The following RAD51B variants were observed in gnomAD, a reference collection of about 807,000 sequenced individuals.
The protein encoded by RAD51B is DNA repair protein RAD51 homolog 2.
In RAD51B, 38 loss-of-function variants were observed where a neutral mutation model predicts 42.2. The ratio of observed to expected loss-of-function variants is 0.90; its 90% CI spans 0.70 to 1.18. RAD51B has a LOEUF of 1.18. RAD51B is among the 50% of genes most tolerant of loss of function. The probability of loss-of-function intolerance (pLI) is 0.00; values close to 1 mark genes in which losing one functional copy is unlikely to be tolerated. For missense variants in RAD51B, 373 were observed against 400.7 expected, an observed-to-expected ratio of 0.93 and a Z score of 0.59; for synonymous variants, 154 against 145.2, an observed-to-expected ratio of 1.06 and a Z score of -0.43.
intron 10 of RAD51B, among the ~76,000 whole-genome samples, chr14:68,560,793 A>G (rs1236659782): frequency 6.6e-6 from 1 of 151,026 alleles, no homozygotes; most frequent in African/African-American, 2.4e-5. Flanking sequence ...CCCCACACAC[A>G]CTTCTGCCCC....
chr14:68,085,913 G>A (rs944252900), intron 7 of RAD51B, among the ~76,000 whole-genome samples: 4 of 152,164 alleles, frequency 2.6e-5, no homozygotes, highest in African/African-American at 9.7e-5. Context: ...TGACCCCATG[G>A]CAGCGTCTAG....
intron 7 of RAD51B, among the ~76,000 whole-genome samples, chr14:68,253,243 ATTTG>A (rs780503573): frequency 1.3e-5 from 2 of 152,026 alleles, no homozygotes; most frequent in African/African-American, 2.4e-5. Flanking sequence ...TTTTCAGTGT[ATTTG>A]TTTATTAACA....
chr14:68,091,646 G>C (rs1222406340), intron 7 of RAD51B, among the ~76,000 whole-genome samples: 1 of 152,142 alleles, frequency 6.6e-6, no homozygotes, highest in Non-Finnish European at 1.5e-5. Context: ...CATTCTGTGG[G>C]TTGCCTGTTC....
intron 7 of RAD51B, among the ~76,000 whole-genome samples, chr14:68,057,350 T>C (rs1393000823): frequency 6.6e-6 from 1 of 152,162 alleles, no homozygotes; most frequent in South Asian, 2.1e-4. Flanking sequence ...GTTTCTAAAA[T>C]GTGTTGTATT....
chr14:68,072,984 C>T (rs2076777373), intron 7 of RAD51B, among the ~76,000 whole-genome samples: 1 of 152,114 alleles, frequency 6.6e-6, no homozygotes, highest in Admixed American at 6.6e-5. Flanking sequence ...GTGCCATGTG[C>T]AGATCAGAAG....
intron 10 of RAD51B, chr14:68,541,093 A>G: frequency 1.0e-6 from 1 of 985,342 alleles, no homozygotes; most frequent in Non-Finnish European, 1.2e-6. Context: ...ACAGAGAAGG[A>G]AGCCCTCTGT....
At chr14:67,889,636 G>C (rs536920772) in intron 7 of RAD51B, among the ~76,000 whole-genome samples, 25 of 151,372 alleles carry the variant, frequency 1.7e-4, no homozygotes, top group Non-Finnish European at 2.7e-4. Context: ...TTTGGGAAGG[G>C]TGACATCATT....
chr14:68,678,481 T>C (rs1893359122), intron 11 of RAD51B, among the ~76,000 whole-genome samples: 2 of 152,190 alleles, frequency 1.3e-5, no homozygotes, highest in Middle Eastern at 3.4e-3. Context: ...TAAAAACCCC[T>C]GCCCTCACAG....
At chr14:68,054,402 C>T (rs531474834) in intron 7 of RAD51B, among the ~76,000 whole-genome samples, 12 of 152,214 alleles carry the variant, frequency 7.9e-5, no homozygotes, top group African/African-American at 2.4e-4. Context: ...GGGGAAGTAA[C>T]ACCACAGAAT....
At chr14:68,575,090 A>G (rs1889901682) in intron 10 of RAD51B, among the ~76,000 whole-genome samples, 1 of 152,184 alleles carries the variant, frequency 6.6e-6, no homozygotes, top group Non-Finnish European at 1.5e-5. Flanking sequence ...AGATAATACC[A>G]AGTACCATTT....
intron 9 of RAD51B, among the ~76,000 whole-genome samples, chr14:68,457,856 G>A (rs60012660): frequency 0.015 from 2,071 of 136,674 alleles, 56 homozygotes; most frequent in African/African-American, 0.054. Context: ...CTCGTGATAC[G>A]CCCACCTCAG....
intron 7 of RAD51B, among the ~76,000 whole-genome samples, chr14:68,077,198 T>G (rs2076847761): frequency 6.6e-6 from 1 of 152,176 alleles, no homozygotes; most frequent in South Asian, 2.1e-4. Flanking sequence ...CATAAGATAT[T>G]TATTAGATTT....
intron 7 of RAD51B, among the ~76,000 whole-genome samples, chr14:68,183,534 C>T (rs957345785): frequency 6.6e-6 from 1 of 152,202 alleles, no homozygotes; most frequent in Non-Finnish European, 1.5e-5. Flanking sequence ...AGGAATAATA[C>T]TTTGCATCCT....
intron 7 of RAD51B, among the ~76,000 whole-genome samples, chr14:67,938,334 G>A (rs2045031929): frequency 6.6e-6 from 1 of 152,162 alleles, no homozygotes; most frequent in African/African-American, 2.4e-5. Context: ...ATAATCTTGT[G>A]CATTGAGCAG....
chr14:68,137,829 C>A (rs970360033), intron 7 of RAD51B, among the ~76,000 whole-genome samples: 51 of 152,214 alleles, frequency 3.4e-4, no homozygotes, highest in African/African-American at 1.1e-3. Flanking sequence ...TGCCCTGACA[C>A]TGCCTGTTGC....
At chr14:68,367,281 CCCTT>C (rs2083161305) in intron 8 of RAD51B, among the ~76,000 whole-genome samples, 1 of 152,144 alleles carries the variant, frequency 6.6e-6, no homozygotes, top group African/African-American at 2.4e-5. Flanking sequence ...ACTTGATATT[CCCTT>C]CCTTAGTCAT....
intron 7 of RAD51B, among the ~76,000 whole-genome samples, chr14:68,093,169 G>T (rs553588939): frequency 0.012 from 1,780 of 150,908 alleles, 31 homozygotes; most frequent in African/African-American, 0.04. Flanking sequence ...CTCTTTTTTT[G>T]TTGTGTCTCT....
chr14:68,536,375 A>G (rs1887618737), intron 10 of RAD51B, among the ~76,000 whole-genome samples: 1 of 152,260 alleles, frequency 6.6e-6, no homozygotes, highest in South Asian at 2.1e-4. Context: ...TTAAGAATAT[A>G]TAAAACATTT....
intron 10 of RAD51B, among the ~76,000 whole-genome samples, chr14:68,558,945 T>C (rs1214745203): frequency 6.6e-6 from 1 of 152,104 alleles, no homozygotes; most frequent in Non-Finnish European, 1.5e-5. Flanking sequence ...TGTGTAAGTA[T>C]ATGCCTGTGA....
Sources: allele counts gnomAD v4.1 joint callset (sites outside exome capture counted in the v4.1 genomes callset), GRCh38; gene constraint gnomAD v4.1.1; transcripts MANE v1.5; gene names NCBI Gene and HGNC (gene_info 2026-07-23, HGNC 2026-07-21).